Variants in SOS2 observed in about 807,000 individuals in gnomAD.
The protein encoded by SOS2 is SOS Ras/Rho guanine nucleotide exchange factor 2, also known as son of sevenless homolog 2.
A neutral mutation model predicts 148.2 loss-of-function variants in SOS2; 65 were observed. The ratio of observed to expected loss-of-function variants is 0.44; its 90% CI spans 0.36 to 0.54. The LOEUF (loss-of-function observed/expected upper bound fraction) is 0.54. SOS2 is among the 20% of genes least tolerant of loss of function. The probability of loss-of-function intolerance (pLI) is 0.00; values close to 1 mark genes in which losing one functional copy is unlikely to be tolerated. For missense variants in SOS2, 1,341 were observed against 1,590.2 expected, an observed-to-expected ratio of 0.84 and a Z score of 2.67; for synonymous variants, 539 against 537.1, an observed-to-expected ratio of 1.00 and a Z score of -0.05.
intron 1 of SOS2, among the ~76,000 whole-genome samples, chr14:50,208,558 G>A (rs1886753844): frequency 6.6e-6 from 1 of 152,038 alleles, no homozygotes; most frequent in African/African-American, 2.4e-5. Flanking sequence ...TGAGGCAGAA[G>A]AATCGCTTGA....
rs376158218 is a variant in SOS2, at chr14:50,118,498, T to C, written c.3845A>G (p.Asn1282Ser). 1.2e-6 allele frequency: 2 copies of C among 1,613,990 alleles called. No homozygotes were observed. The highest frequency in any genetic ancestry group is 1.3e-5 in the African/African-American group (1 of 74,894). ...GGGAGCTGGAGGATGAGCAAGATTA[T>C]TCTGACTAGAACTGAGCACATAGCA... The part of the protein sequence containing the change: ...RRCYVLSSSQ[N>S]NLAHPPAPPV... The change falls in exon 23 of 23, where the codon AAT (asparagine) becomes AGT (serine). Residue 1282 changes from asparagine (N) to serine (S), a missense_variant. Physicochemically the swap from Asn to Ser is conservative, Grantham distance 46. Around this residue, in one of 4 missense-constraint regions of SOS2, gnomAD observed 354 missense variants for 347.7 expected, o/e 1.02. Transcript: ENST00000216373.
intron 8 of SOS2, among the ~76,000 whole-genome samples, chr14:50,170,759 A>C (rs1885334697): frequency 6.6e-6 from 1 of 151,970 alleles, no homozygotes; most frequent in Non-Finnish European, 1.5e-5. Flanking sequence ...AGGAAAATTA[A>C]AATCAAAACC....
intron 15 of SOS2, 31 bp downstream of exon 15, chr14:50,145,446 T>C (rs370198104): frequency 6.3e-7 from 1 of 1,585,856 alleles, no homozygotes; most frequent in Non-Finnish European, 8.6e-7. Context: ...TTATGGCTAT[T>C]AGGAGGTAGT....
chr14:50,151,084 C>T (rs1167448302), intron 13 of SOS2, among the ~76,000 whole-genome samples: 3 of 152,184 alleles, frequency 2.0e-5, no homozygotes, highest in African/African-American at 7.2e-5. Flanking sequence ...GTCTTGAACT[C>T]CTGGGCTCAA....
At chr14:50,170,596 C>T (rs1885329058) in intron 8 of SOS2, among the ~76,000 whole-genome samples, 1 of 151,768 alleles carries the variant, frequency 6.6e-6, no homozygotes, top group African/African-American at 2.4e-5. Context: ...TCGCCTGAGC[C>T]CAGGAGGTCA....
intron 13 of SOS2, among the ~76,000 whole-genome samples, chr14:50,152,624 TA>T (rs887717394): frequency 9.9e-5 from 15 of 152,158 alleles, no homozygotes; most frequent in African/African-American, 3.6e-4. Flanking sequence ...TTGCTGTCTA[TA>T]AAAAACATTC....
At position 50,118,238 on chromosome 14, in the gene SOS2, A is replaced by T; in HGVS notation, c.*106T>A. The T allele has an allele frequency of 1.1e-6, 1 of 918,770 alleles. No homozygotes were observed. Among genetic ancestry groups the T allele is most frequent in the Non-Finnish European group, 1.6e-6 (1 of 611,654 alleles). 56.9% of individuals were successfully genotyped at this position (918,770 alleles called of 1,614,324 possible). A position where few individuals can be genotyped will look rare whatever the true frequency, so the allele number is the denominator to read the frequency against. The stretch of plus-strand genomic sequence containing the variant: ...ATTTGATCAGTAGCATTTTTGTAAG[A>T]GCATTATTTGTAAAAAGTACTAAAA... On this transcript the variant is annotated 3_prime_UTR_variant, in exon 23 of 23. Transcript: ENST00000216373.
chr14:50,128,975 A>G (rs1054800573), intron 21 of SOS2, among the ~76,000 whole-genome samples: 5 of 152,044 alleles, frequency 3.3e-5, no homozygotes, highest in South Asian at 2.1e-4. Flanking sequence ...GACTAAGCTT[A>G]TTTTTCTCAT....
intron 1 of SOS2, among the ~76,000 whole-genome samples, chr14:50,220,382 G>A (rs1438053425): frequency 2.0e-5 from 2 of 98,234 alleles, no homozygotes; most frequent in African/African-American, 8.3e-5. Flanking sequence ...CTCCAGCCTG[G>A]GCGACAGAGC....
chr14:50,181,759 C>G (rs1885748389), intron 6 of SOS2, among the ~76,000 whole-genome samples: 2 of 151,910 alleles, frequency 1.3e-5, no homozygotes, highest in South Asian at 4.2e-4. Flanking sequence ...TAAGTTATCT[C>G]TGGGTGTTAT....
intron 8 of SOS2, among the ~76,000 whole-genome samples, chr14:50,168,297 T>C (rs549033645): frequency 8.6e-4 from 131 of 152,296 alleles, no homozygotes; most frequent in Non-Finnish European, 1.5e-3. Flanking sequence ...TCTCAGTTTA[T>C]TACAGCCTCT....
At chr14:50,165,235 T>C (rs1408803957) in intron 8 of SOS2, among the ~76,000 whole-genome samples, 1 of 152,186 alleles carries the variant, frequency 6.6e-6, no homozygotes, top group Non-Finnish European at 1.5e-5. Flanking sequence ...ATCTATAGTG[T>C]ATATTCCAAT....
intron 1 of SOS2, among the ~76,000 whole-genome samples, chr14:50,220,405 C>CATAAAAAAAAAA (rs1689592132): frequency 3.3e-5 from 1 of 30,446 alleles, no homozygotes; most frequent in Non-Finnish European, 5.5e-5. Context: ...GACTCCATCT[C>CATAAAAAAAAAA]AAAAAAAAAA....
intron 8 of SOS2, among the ~76,000 whole-genome samples, chr14:50,170,408 A>G (rs1264276813): frequency 6.6e-6 from 1 of 152,158 alleles, no homozygotes; most frequent in Non-Finnish European, 1.5e-5. Flanking sequence ...AAATATAGCC[A>G]GGTATGGTGG....
intron 21 of SOS2, among the ~76,000 whole-genome samples, chr14:50,121,531 A>AG (rs869254200): frequency 5.7e-4 from 4 of 6,966 alleles, no homozygotes; most frequent in Non-Finnish European, 6.2e-4. Flanking sequence ...TTCCTGGGGG[A>AG]GGGGGGGGAG....
At chr14:50,161,400 T>G in intron 9 of SOS2, 82 bp downstream of exon 9, 1 of 1,080,070 alleles carries the variant, frequency 9.3e-7, no homozygotes, top group South Asian at 1.5e-5. Context: ...ACTATCACAA[T>G]AAATCACACT....
intron 1 of SOS2, among the ~76,000 whole-genome samples, chr14:50,207,394 C>G (rs1488829562): frequency 2.0e-5 from 3 of 151,842 alleles, no homozygotes. Flanking sequence ...GCCTGTAGTC[C>G]CAGCTACTCA....
At chr14:50,227,866 G>A (rs1214152908) in intron 1 of SOS2, among the ~76,000 whole-genome samples, 1 of 152,082 alleles carries the variant, frequency 6.6e-6, no homozygotes, top group Non-Finnish European at 1.5e-5. Flanking sequence ...TATATACATG[G>A]ATATAGACAT....
intron 19 of SOS2, among the ~76,000 whole-genome samples, chr14:50,133,202 T>C (rs1007195931): frequency 4.0e-5 from 6 of 151,446 alleles, no homozygotes; most frequent in African/African-American, 1.5e-4. Context: ...AAAAAATTTA[T>C]CTTTTCATTC....
Sources: allele counts gnomAD v4.1 joint callset (sites outside exome capture counted in the v4.1 genomes callset), GRCh38; gene constraint gnomAD v4.1.1; regional missense constraint gnomAD v4.1.1; transcripts MANE v1.5; gene names NCBI Gene and HGNC (gene_info 2026-07-23, HGNC 2026-07-21).